LPAR1: variants seen among roughly 807,000 people sequenced by gnomAD.
LPAR1 encodes LPA receptor 1.
A neutral mutation model predicts 23.8 loss-of-function variants in LPAR1; 5 were observed. The ratio of observed to expected loss-of-function variants is 0.21; its 90% CI spans 0.11 to 0.44. The LOEUF (loss-of-function observed/expected upper bound fraction) is 0.44. Among genes scored for constraint, LPAR1 ranks in the 20% least tolerant of loss-of-function variants. The probability of loss-of-function intolerance (pLI) is 0.99; values close to 1 mark genes in which losing one functional copy is unlikely to be tolerated. For missense variants in LPAR1, 311 were observed against 482.8 expected, an observed-to-expected ratio of 0.64 and a Z score of 3.33; for synonymous variants, 160 against 164.7, an observed-to-expected ratio of 0.97 and a Z score of 0.22.
chr9:110,993,537 T>G (rs2096937669), intron 2 of LPAR1, among the ~76,000 whole-genome samples: 1 of 152,060 alleles, frequency 6.6e-6, no homozygotes, highest in African/African-American at 2.4e-5. Context: ...CCAGAGTTTG[T>G]GTCAAAGCCT....
intron 1 of LPAR1, among the ~76,000 whole-genome samples, chr9:111,037,166 CTGTT>C (rs1284822617): frequency 6.6e-6 from 1 of 152,184 alleles, no homozygotes; most frequent in African/African-American, 2.4e-5. Flanking sequence ...GAAAAACAAA[CTGTT>C]AGAGCCTGAA....
intron 2 of LPAR1, among the ~76,000 whole-genome samples, chr9:110,991,057 T>C (rs1446380872): frequency 2.6e-5 from 4 of 152,106 alleles, no homozygotes; most frequent in Non-Finnish European, 5.9e-5. Flanking sequence ...GATTCATACC[T>C]CATACCATAT....
At chr9:110,904,398 T>C (rs2090500420) in intron 5 of LPAR1, among the ~76,000 whole-genome samples, 1 of 152,006 alleles carries the variant, frequency 6.6e-6, no homozygotes. Flanking sequence ...TCACTCAAAG[T>C]GGTAAAATGT....
At chr9:110,996,346 C>T (rs913851524) in intron 2 of LPAR1, among the ~76,000 whole-genome samples, 1 of 152,042 alleles carries the variant, frequency 6.6e-6, no homozygotes, top group African/African-American at 2.4e-5. Context: ...CACTTGAGAC[C>T]AGGGGTTCGA....
intron 2 of LPAR1, among the ~76,000 whole-genome samples, chr9:111,009,971 T>C (rs1177357180): frequency 6.8e-6 from 1 of 146,238 alleles, no homozygotes; most frequent in Non-Finnish European, 1.5e-5. Context: ...CTTTACATAT[T>C]TTCATTTCTC....
intron 5 of LPAR1, among the ~76,000 whole-genome samples, chr9:110,902,231 T>C (rs1006246167): frequency 1.2e-4 from 19 of 152,052 alleles, no homozygotes; most frequent in African/African-American, 4.6e-4. Flanking sequence ...TGGCCAGCGG[T>C]ACTAGCCAGG....
chr9:110,918,992 GTGAGCAGAACC>G (rs1409172712), intron 5 of LPAR1, among the ~76,000 whole-genome samples: 9 of 152,202 alleles, frequency 5.9e-5, no homozygotes, highest in Non-Finnish European at 1.0e-4. Flanking sequence ...CCCCTGGTGT[GTGAGCAGAACC>G]TGTAACTTGC....
At chr9:110,945,020 A>T (rs916779058) in intron 4 of LPAR1, among the ~76,000 whole-genome samples, 5 of 152,240 alleles carry the variant, frequency 3.3e-5, no homozygotes, top group African/African-American at 1.2e-4. Flanking sequence ...TTGGGAGGGT[A>T]TAATATGCCT....
chr9:110,960,679 G>A (rs1325118336), intron 4 of LPAR1, among the ~76,000 whole-genome samples: 1 of 152,092 alleles, frequency 6.6e-6, no homozygotes, highest in African/African-American at 2.4e-5. Flanking sequence ...TTCAGTCTGA[G>A]CCATTAAGAG....
intron 5 of LPAR1, among the ~76,000 whole-genome samples, chr9:110,921,442 A>G (rs2093625614): frequency 6.6e-6 from 1 of 152,228 alleles, no homozygotes; most frequent in African/African-American, 2.4e-5. Context: ...AAATATAGTA[A>G]CAGTTAACAT....
intron 5 of LPAR1, among the ~76,000 whole-genome samples, chr9:110,903,739 T>C (rs1235521962): frequency 1.3e-5 from 2 of 152,022 alleles, no homozygotes; most frequent in Non-Finnish European, 2.9e-5. Context: ...AAAATTGTTT[T>C]TAAAATAATG....
chr9:110,951,851 A>G (rs1165909815), intron 4 of LPAR1, among the ~76,000 whole-genome samples: 1 of 152,260 alleles, frequency 6.6e-6, no homozygotes, highest in Non-Finnish European at 1.5e-5. Context: ...AGCAACACAA[A>G]TATTTATCAA....
At chr9:111,024,757 G>A (rs2097654257) in intron 2 of LPAR1, among the ~76,000 whole-genome samples, 1 of 151,310 alleles carries the variant, frequency 6.6e-6, no homozygotes, top group South Asian at 2.1e-4. Flanking sequence ...GTGCCCATAT[G>A]TTCTCATTGT....
chr9:110,909,312 G>C (rs1247877596), intron 5 of LPAR1, among the ~76,000 whole-genome samples: 1 of 152,060 alleles, frequency 6.6e-6, no homozygotes, highest in Non-Finnish European at 1.5e-5. Flanking sequence ...TTCAGTAACA[G>C]TATAAGTTAC....
At chr9:111,037,919 G>C (rs2097924213) in intron 1 of LPAR1, 1 of 152,074 alleles carries the variant, frequency 6.6e-6, no homozygotes, top group Admixed American at 6.5e-5. Flanking sequence ...CGCTGGGTGC[G>C]GGAGGCCAGG....
intron 4 of LPAR1, among the ~76,000 whole-genome samples, chr9:110,964,533 G>A (rs2096126767): frequency 6.6e-6 from 1 of 152,162 alleles, no homozygotes; most frequent in Non-Finnish European, 1.5e-5. Flanking sequence ...CAAAAAAGGA[G>A]CAAGTGAAGC....
chr9:110,950,595 GAATT>G (rs1379070129), intron 4 of LPAR1, among the ~76,000 whole-genome samples: 1 of 151,496 alleles, frequency 6.6e-6, no homozygotes, highest in Non-Finnish European at 1.5e-5. Context: ...CAAATTTTCT[GAATT>G]AATCATCAAG....
At chr9:110,879,870 T>A (rs935255624) in intron 5 of LPAR1, among the ~76,000 whole-genome samples, 15 of 152,168 alleles carry the variant, frequency 9.9e-5, no homozygotes, top group African/African-American at 3.4e-4. Context: ...AAGTCTAGAA[T>A]GACTTCTAAA....
Position 110,905,499 on chromosome 9 carries a change from A to G in LPAR1, c.794-29777T>C, listed in dbSNP as rs573238757. ...GCAGCTGGGATTACAGGCGTGTGCC[A>G]CCACACTCAGCTAATTTTTTATTAT... On this transcript the variant is annotated intron_variant, in intron 5 of 5. Transcript: ENST00000683809. Among the ~76,000 whole-genome samples the G allele has an allele frequency of 1.4e-4, 22 of 151,994 alleles. 1 individual carries two copies. In the South Asian group the frequency reaches 4.6e-3, roughly 32 times the overall value.
Sources: allele counts gnomAD v4.1 joint callset (sites outside exome capture counted in the v4.1 genomes callset), GRCh38; gene constraint gnomAD v4.1.1; transcripts MANE v1.5; gene names NCBI Gene and HGNC (gene_info 2026-07-23, HGNC 2026-07-21).